CDH12: variants seen among roughly 807,000 people sequenced by gnomAD.
CDH12 encodes cadherin 12.
In CDH12, 41 loss-of-function variants were observed where a neutral mutation model predicts 74.1. The observed-to-expected ratio is 0.55, with a 90% CI of 0.43 to 0.72. The LOEUF is 0.72. CDH12 is among the 30% of genes least tolerant of loss of function. CDH12 has a pLI of 0.00. For missense variants in CDH12, 945 were observed against 977.2 expected, an observed-to-expected ratio of 0.97 and a Z score of 0.44; for synonymous variants, 399 against 355.0, an observed-to-expected ratio of 1.12 and a Z score of -1.39.
At chr5:22,570,743 T>C (rs1739499867) in intron 1 of CDH12, among the ~76,000 whole-genome samples, 1 of 152,232 alleles carries the variant, frequency 6.6e-6, no homozygotes, top group African/African-American at 2.4e-5. Context: ...TATTAGCCCC[T>C]AATAAAAGTC....
At position 21,751,622 on chromosome 5, in the gene CDH12, G is replaced by GTGTTTGTGTT; in HGVS notation, c.*114_*115insAACACAAACA. 1 of 581,040 alleles carries GTGTTTGTGTT rather than the reference G, an allele frequency of 1.7e-6. No homozygotes were observed. The highest frequency in any genetic ancestry group is 3.0e-6 in the Non-Finnish European group (1 of 335,438). The allele number at this position is 581,040 out of a possible 1,614,324, so 36.0% of individuals were successfully genotyped here. ...ATCTTGTCCCAGAGTGTGTGTGTGT[G>GTGTTTGTGTT]TGTGTGTGTTTGTGTGTGTGTGTGT... On this transcript the variant is annotated 3_prime_UTR_variant, in exon 15 of 15. Coordinates refer to ENST00000382254, the MANE Select transcript of CDH12 (RefSeq NM_004061.5).
At chr5:22,725,059 A>G (rs1744092463) in intron 1 of CDH12, among the ~76,000 whole-genome samples, 1 of 151,812 alleles carries the variant, frequency 6.6e-6, no homozygotes, top group South Asian at 2.1e-4. Context: ...TTTATGCATC[A>G]ACTTTCATGT....
chr5:22,469,911 C>G (rs1382841601), intron 2 of CDH12, among the ~76,000 whole-genome samples: 2 of 152,108 alleles, frequency 1.3e-5, no homozygotes, highest in Non-Finnish European at 2.9e-5. Context: ...CAGGATAATT[C>G]CTCAAAGCCC....
Position 21,989,029 on chromosome 5 carries a change from G to T in CDH12, c.232-13644C>A, listed in dbSNP as rs183381078. Among the ~76,000 whole-genome samples, 538 of 152,104 alleles carry T rather than the reference G, an allele frequency of 3.5e-3. 4 individuals carry two copies. The highest frequency in any genetic ancestry group is 0.012 in the African/African-American group (503 of 41,508). On this transcript the variant is annotated intron_variant, in intron 5 of 14. Coordinates refer to ENST00000382254, the MANE Select transcript of CDH12 (RefSeq NM_004061.5). ...TAAAGTTCATGGATTGGACGTTATA[G>T]CCATTTTAATGTATTTTCATTGTGA...
intron 1 of CDH12, among the ~76,000 whole-genome samples, chr5:22,682,416 A>C (rs1183913000): frequency 1.3e-5 from 2 of 152,064 alleles, no homozygotes; most frequent in Admixed American, 1.3e-4. Flanking sequence ...TATATGTATG[A>C]TTGTTTTTCA....
intron 3 of CDH12, among the ~76,000 whole-genome samples, chr5:22,304,477 T>C (rs1738022632): frequency 6.6e-6 from 1 of 152,158 alleles, no homozygotes; most frequent in Non-Finnish European, 1.5e-5. Context: ...ACAAATCCAA[T>C]CTATTAACTA....
At chr5:22,479,542 A>G (rs1239834244) in intron 2 of CDH12, among the ~76,000 whole-genome samples, 3 of 152,188 alleles carry the variant, frequency 2.0e-5, no homozygotes, top group Non-Finnish European at 4.4e-5. Flanking sequence ...TTGCAGGGTG[A>G]GGGAGGGCTC....
At chr5:22,586,207 G>A (rs1001281669) in intron 1 of CDH12, among the ~76,000 whole-genome samples, 3 of 152,050 alleles carry the variant, frequency 2.0e-5, no homozygotes, top group Non-Finnish European at 4.4e-5. Flanking sequence ...GGATGAAGCT[G>A]GAAACCATCA....
intron 3 of CDH12, among the ~76,000 whole-genome samples, chr5:22,372,727 C>A (rs1741349252): frequency 6.6e-6 from 1 of 152,158 alleles, no homozygotes; most frequent in Admixed American, 6.5e-5. Context: ...ACTTCTCCCA[C>A]TAAGACATGC....
chr5:22,100,347 AT>A (rs1320135622), intron 4 of CDH12, among the ~76,000 whole-genome samples: 2 of 152,160 alleles, frequency 1.3e-5, no homozygotes, highest in East Asian at 3.8e-4. Flanking sequence ...CTGAATTATA[AT>A]TTTTCAAATA....
intron 2 of CDH12, among the ~76,000 whole-genome samples, chr5:22,495,201 CA>C (rs1477023932): frequency 6.6e-6 from 1 of 151,884 alleles, no homozygotes; most frequent in Non-Finnish European, 1.5e-5. Flanking sequence ...TCAAACAACA[CA>C]AAAAAATGGA....
chr5:22,559,722 A>C (rs1163897598), intron 1 of CDH12, among the ~76,000 whole-genome samples: 3 of 152,128 alleles, frequency 2.0e-5, no homozygotes, highest in Non-Finnish European at 4.4e-5. Flanking sequence ...ATCACACACA[A>C]AAAAATCTTA....
At chr5:22,337,700 GC>G (rs1739653800) in intron 3 of CDH12, among the ~76,000 whole-genome samples, 1 of 152,108 alleles carries the variant, frequency 6.6e-6, no homozygotes, top group Non-Finnish European at 1.5e-5. Context: ...TTTGCAAATT[GC>G]CCAGTCTTCA....
intron 4 of CDH12, among the ~76,000 whole-genome samples, chr5:22,127,779 T>C (rs1440015072): frequency 6.6e-6 from 1 of 152,192 alleles, no homozygotes; most frequent in Admixed American, 6.5e-5. Context: ...GGGTATGCTA[T>C]CATCATCCCA....
chr5:22,722,212 C>T (rs1306128076), intron 1 of CDH12, among the ~76,000 whole-genome samples: 2 of 152,324 alleles, frequency 1.3e-5, no homozygotes, highest in South Asian at 2.1e-4. Flanking sequence ...TCTTATGCAA[C>T]CCTATACCCC....
chr5:22,354,126 G>C (rs1740465789), intron 3 of CDH12, among the ~76,000 whole-genome samples: 1 of 152,180 alleles, frequency 6.6e-6, no homozygotes, highest in South Asian at 2.1e-4. Context: ...GTTCAGAGAA[G>C]TTGCTATCAA....
chr5:22,301,555 A>G (rs1737880489), intron 3 of CDH12, among the ~76,000 whole-genome samples: 1 of 152,206 alleles, frequency 6.6e-6, no homozygotes, highest in African/African-American at 2.4e-5. Context: ...AGTGAAACAT[A>G]GAGATTTTGA....
chr5:22,069,924 G>A (rs947132728), intron 5 of CDH12, among the ~76,000 whole-genome samples: 8 of 152,124 alleles, frequency 5.3e-5, no homozygotes, highest in African/African-American at 1.9e-4. Context: ...TCCCCACAAG[G>A]TAAAGAGCCA....
At chr5:21,929,707 C>T (rs149615275) in intron 6 of CDH12, among the ~76,000 whole-genome samples, 2,371 of 152,004 alleles carry the variant, frequency 0.016, 40 homozygotes, top group Non-Finnish European at 0.021. Flanking sequence ...TTTGTAGAGG[C>T]GGGGTTCACC....
Sources: allele counts gnomAD v4.1 joint callset (sites outside exome capture counted in the v4.1 genomes callset), GRCh38; gene constraint gnomAD v4.1.1; transcripts MANE v1.5; gene names NCBI Gene and HGNC (gene_info 2026-07-23, HGNC 2026-07-21).